The following CEP112 variants were observed in gnomAD, a reference collection of about 807,000 sequenced individuals.
CEP112 encodes the protein centrosomal protein 112.
In CEP112, 127 loss-of-function variants were observed where a neutral mutation model predicts 153.0. The ratio of observed to expected loss-of-function variants is 0.83; its 90% CI spans 0.72 to 0.96. CEP112 has a LOEUF of 0.96. Ranked by LOEUF, CEP112 falls within the 40% of genes least tolerant of loss-of-function variation. The probability of loss-of-function intolerance (pLI) is 0.00; values close to 1 mark genes in which losing one functional copy is unlikely to be tolerated. For synonymous variants in CEP112, 358 were observed against 374.4 expected (o/e 0.96, Z 0.51); for missense variants, 1,089 against 1,101.2 (o/e 0.99, Z 0.16).
intron 23 of CEP112, among the ~76,000 whole-genome samples, chr17:65,705,612 C>T (rs1418670648): frequency 1.3e-5 from 2 of 152,106 alleles, no homozygotes; most frequent in African/African-American, 4.8e-5. Flanking sequence ...TGTTCAATGA[C>T]ACCACAAGGA....
chr17:65,852,301 TTC>T (rs1433482062), intron 20 of CEP112, among the ~76,000 whole-genome samples: 1 of 48,914 alleles, frequency 2.0e-5, no homozygotes, highest in East Asian at 7.2e-4. Flanking sequence ...CTCCCTTCCC[TTC>T]CCTTCCCTTC....
chr17:65,657,681 C>T (rs191673186), intron 24 of CEP112, among the ~76,000 whole-genome samples: 3 of 152,198 alleles, frequency 2.0e-5, no homozygotes, highest in South Asian at 2.1e-4. Flanking sequence ...CAACAAAGGA[C>T]CAAAACCCCA....
intron 18 of CEP112, among the ~76,000 whole-genome samples, chr17:65,935,048 C>T (rs370901291): frequency 6.6e-6 from 1 of 152,168 alleles, no homozygotes; most frequent in Non-Finnish European, 1.5e-5. Context: ...GATCCAATTA[C>T]CTCTACCTGG....
chr17:65,886,441 T>C (rs1222434551), intron 20 of CEP112, among the ~76,000 whole-genome samples: 2 of 152,212 alleles, frequency 1.3e-5, no homozygotes, highest in African/African-American at 2.4e-5. Flanking sequence ...TAATGACACA[T>C]GATTATAACG....
At chr17:65,988,250 AAG>A (rs111734158) in intron 17 of CEP112, among the ~76,000 whole-genome samples, 2 of 152,330 alleles carry the variant, frequency 1.3e-5, no homozygotes, top group African/African-American at 4.8e-5. Context: ...ATAAGAAAGA[AAG>A]AAATCAACAA....
At chr17:66,026,466 T>C (rs916679557) in intron 16 of CEP112, among the ~76,000 whole-genome samples, 1 of 20,584 alleles carries the variant, frequency 4.9e-5, no homozygotes, top group African/African-American at 9.1e-5. Flanking sequence ...TTAGGTTCTT[T>C]TGTTAAAATG....
intron 12 of CEP112, among the ~76,000 whole-genome samples, chr17:66,037,525 A>G (rs1465102393): frequency 6.6e-6 from 1 of 152,186 alleles, no homozygotes; most frequent in Non-Finnish European, 1.5e-5. Context: ...TCCAGTATTT[A>G]TGCATAGTCT....
intron 24 of CEP112, among the ~76,000 whole-genome samples, chr17:65,668,043 C>G (rs2046786994): frequency 6.6e-6 from 1 of 152,060 alleles, no homozygotes; most frequent in African/African-American, 2.4e-5. Context: ...ATTACAAGTG[C>G]CCACCACCAT....
intron 6 of CEP112, among the ~76,000 whole-genome samples, chr17:66,128,679 T>C (rs1367759333): frequency 1.3e-5 from 2 of 152,196 alleles, no homozygotes; most frequent in African/African-American, 4.8e-5. Context: ...TAAGGAATTT[T>C]ACTGCAAAAT....
In CEP112 at chr17:65,852,151, A is replaced by T; in HGVS notation, c.2164-117T>A. The T allele has an allele frequency of 1.6e-5, 10 of 628,968 alleles. No individual in the cohort carries two copies. In the South Asian group the frequency reaches 1.9e-4, roughly 12 times the overall value. The allele number at this position is 628,968 out of a possible 1,614,324, so 39.0% of individuals were successfully genotyped here. Reference sequence around the variant, plus strand: ...TGAACATATGGAATAGAAAGCTTAGATTGCACTCCATCCTTCCTTCTTTCC... The same window carrying T: ...TGAACATATGGAATAGAAAGCTTAGTTTGCACTCCATCCTTCCTTCTTTCC... On this transcript the variant is annotated intron_variant, in intron 20 of 26. Coordinates refer to ENST00000535342, the MANE Select transcript of CEP112 (RefSeq NM_001199165.4).
At chr17:65,856,138 A>G (rs963300058) in intron 20 of CEP112, among the ~76,000 whole-genome samples, 5 of 152,222 alleles carry the variant, frequency 3.3e-5, no homozygotes, top group Non-Finnish European at 5.9e-5. Flanking sequence ...GAAGTTACAG[A>G]CATGAAGCTG....
chr17:65,843,452 A>C (rs993734199), intron 21 of CEP112, among the ~76,000 whole-genome samples: 1 of 152,210 alleles, frequency 6.6e-6, no homozygotes, highest in African/African-American at 2.4e-5. Flanking sequence ...CAAAGGAAAA[A>C]GTCATGGAAA....
chr17:65,806,214 CA>C (rs1598636905), intron 21 of CEP112, among the ~76,000 whole-genome samples: 2 of 152,168 alleles, frequency 1.3e-5, no homozygotes, highest in Non-Finnish European at 2.9e-5. Context: ...GGGAAACAAG[CA>C]TGCATAAACA....
intron 20 of CEP112, among the ~76,000 whole-genome samples, chr17:65,864,963 T>C (rs1868516993): frequency 2.2e-5 from 3 of 133,702 alleles, no homozygotes; most frequent in Admixed American, 1.5e-4. Flanking sequence ...TGTGTGTGTG[T>C]GTGTGTACAT....
At chr17:65,802,604 C>A (rs1366782801) in intron 21 of CEP112, among the ~76,000 whole-genome samples, 1 of 152,148 alleles carries the variant, frequency 6.6e-6, no homozygotes, top group Non-Finnish European at 1.5e-5. Context: ...CACCTCCTAT[C>A]AAATCTTACA....
At chr17:66,164,691 A>G (rs1403283309) in intron 4 of CEP112, among the ~76,000 whole-genome samples, 4 of 151,792 alleles carry the variant, frequency 2.6e-5, no homozygotes. Context: ...CCCCGTCTCT[A>G]CTAAAAATAC....
chr17:65,837,161 A>G (rs2146183629), intron 21 of CEP112, among the ~76,000 whole-genome samples: 1 of 152,072 alleles, frequency 6.6e-6, no homozygotes, highest in Non-Finnish European at 1.5e-5. Flanking sequence ...TACAACCTCC[A>G]CATCCCAGCC....
intron 8 of CEP112, among the ~76,000 whole-genome samples, chr17:66,081,063 A>T (rs1043496917): frequency 6.6e-6 from 1 of 152,178 alleles, no homozygotes; most frequent in Non-Finnish European, 1.5e-5. Context: ...CCTCATGTAG[A>T]TGACAGGTTG....
intron 23 of CEP112, among the ~76,000 whole-genome samples, chr17:65,730,085 A>T (rs1050839427): frequency 6.6e-6 from 1 of 152,366 alleles, no homozygotes; most frequent in African/African-American, 2.4e-5. Context: ...GTATTCGCTC[A>T]TCAAACCTTA....
Sources: allele counts gnomAD v4.1 joint callset (sites outside exome capture counted in the v4.1 genomes callset), GRCh38; gene constraint gnomAD v4.1.1; transcripts MANE v1.5; gene names NCBI Gene and HGNC (gene_info 2026-07-23, HGNC 2026-07-21).